SSBP2: variants seen among roughly 807,000 people sequenced by gnomAD.
SSBP2 encodes the protein single-stranded DNA-binding protein 2.
SSBP2 carries 17 observed loss-of-function variants against 61.8 expected under a neutral mutation model. That is an observed-to-expected ratio of 0.28 (90% CI 0.19 to 0.41). The LOEUF is 0.41. Ranked by LOEUF, SSBP2 falls within the 10% of genes least tolerant of loss-of-function variation. The pLI, the probability that SSBP2 is intolerant of heterozygous loss-of-function variation, is 1.00. For synonymous variants in SSBP2, 139 were observed against 141.3 expected, an observed-to-expected ratio of 0.98 and a Z score of 0.12; for missense variants, 310 against 458.7, an observed-to-expected ratio of 0.68 and a Z score of 2.96.
intron 6 of SSBP2, among the ~76,000 whole-genome samples, chr5:81,488,059 A>ATATATTATATATACATTATATATAT (rs1561459572): frequency 1.5e-5 from 1 of 65,328 alleles, no homozygotes; most frequent in Non-Finnish European, 2.8e-5. Flanking sequence ...ATATATATAT[A>ATATATTATATATACATTATATATAT]AATAAAATAT....
intron 12 of SSBP2, among the ~76,000 whole-genome samples, chr5:81,443,456 A>G (rs1256928256): frequency 6.6e-6 from 1 of 152,208 alleles, no homozygotes; most frequent in Non-Finnish European, 1.5e-5. Flanking sequence ...TAAAACCTAG[A>G]GTGAAAGGCT....
intron 1 of SSBP2, among the ~76,000 whole-genome samples, chr5:81,748,646 A>C (rs547867932): frequency 1.3e-5 from 2 of 152,338 alleles, no homozygotes; most frequent in South Asian, 4.1e-4. Context: ...ACCTATATTT[A>C]AGTTCATAAG....
intron 1 of SSBP2, among the ~76,000 whole-genome samples, chr5:81,680,834 A>C (rs1024210152): frequency 2.0e-5 from 3 of 152,226 alleles, no homozygotes; most frequent in Non-Finnish European, 4.4e-5. Flanking sequence ...GGAGACTTTA[A>C]CACTCTTCTA....
chr5:81,569,040 T>C (rs1184395412), intron 4 of SSBP2, among the ~76,000 whole-genome samples: 2 of 152,124 alleles, frequency 1.3e-5, no homozygotes, highest in African/African-American at 4.8e-5. Flanking sequence ...GAGGACTGGG[T>C]GAAGGTTCCA....
chr5:81,461,529 A>G (rs1230663412), intron 9 of SSBP2, among the ~76,000 whole-genome samples: 4 of 152,134 alleles, frequency 2.6e-5, no homozygotes. Flanking sequence ...CAATATATGT[A>G]AAATGATTGA....
chr5:81,537,201 T>G (rs181894456), intron 4 of SSBP2, among the ~76,000 whole-genome samples: 4 of 152,174 alleles, frequency 2.6e-5, no homozygotes, highest in African/African-American at 9.6e-5. Flanking sequence ...TCCAAATTTT[T>G]GGGGGGGATT....
chr5:81,633,101 C>G (rs972908893), intron 3 of SSBP2, among the ~76,000 whole-genome samples: 1 of 145,810 alleles, frequency 6.9e-6, no homozygotes, highest in Non-Finnish European at 1.5e-5. Flanking sequence ...TTTAGCTGAG[C>G]CTCTGTCTTT....
intron 4 of SSBP2, among the ~76,000 whole-genome samples, chr5:81,553,352 C>T (rs932282431): frequency 7.5e-4 from 114 of 152,130 alleles, no homozygotes; most frequent in African/African-American, 2.6e-3. Context: ...CTTTCAGAAA[C>T]AAGTTTATTT....
chr5:81,431,754 T>C (rs1275717358), intron 15 of SSBP2, among the ~76,000 whole-genome samples: 1 of 152,100 alleles, frequency 6.6e-6, no homozygotes, highest in Non-Finnish European at 1.5e-5. Flanking sequence ...CTGGCTAATT[T>C]TTAAAATGTT....
At chr5:81,722,485 C>G (rs534185450) in intron 1 of SSBP2, among the ~76,000 whole-genome samples, 1 of 149,538 alleles carries the variant, frequency 6.7e-6, no homozygotes, top group Admixed American at 6.8e-5. Flanking sequence ...ACCTACCTTT[C>G]TCACATTTAA....
rs1265221797 is a variant in SSBP2 at position 81,417,190 on chromosome 5, G to A, written c.*3314C>T. The A allele has an allele frequency of 6.6e-6, 1 of 152,162 alleles. No individual in the cohort carries two copies. The highest frequency in any genetic ancestry group is 1.5e-5 in the Non-Finnish European group (1 of 68,056). The allele number at this position is 152,162 out of a possible 1,614,324, so 9.4% of individuals were successfully genotyped here. On this transcript the variant is annotated 3_prime_UTR_variant, in exon 17 of 17. Transcript: ENST00000320672. Reference sequence around the variant, plus strand: ...GAGAAATCTTAACTTCGGATTCCTAGCTGTGAACTTCCTCTTTATCAGCAA... The same window carrying A: ...GAGAAATCTTAACTTCGGATTCCTAACTGTGAACTTCCTCTTTATCAGCAA...
chr5:81,486,702 A>G (rs1482811426), intron 6 of SSBP2, among the ~76,000 whole-genome samples: 11 of 152,200 alleles, frequency 7.2e-5, no homozygotes, highest in Admixed American at 7.2e-4. Flanking sequence ...CACAGAGAAA[A>G]TAAAATTCCC....
chr5:81,637,360 TTA>T (rs1748335129), intron 2 of SSBP2, among the ~76,000 whole-genome samples: 1 of 152,238 alleles, frequency 6.6e-6, no homozygotes, highest in South Asian at 2.1e-4. Flanking sequence ...ATTATTGATT[TTA>T]TGTAACTTCT....
intron 4 of SSBP2, among the ~76,000 whole-genome samples, chr5:81,557,057 G>A (rs922966317): frequency 6.6e-6 from 1 of 151,946 alleles, no homozygotes; most frequent in Non-Finnish European, 1.5e-5. Context: ...TTCATACTCT[G>A]GTACTCCTTA....
chr5:81,498,711 T>C (rs1255763723), intron 5 of SSBP2, among the ~76,000 whole-genome samples: 1 of 152,076 alleles, frequency 6.6e-6, no homozygotes, highest in African/African-American at 2.4e-5. Context: ...TATGTTGCTA[T>C]TCTATATTTT....
At chr5:81,523,027 A>G (rs916667874) in intron 4 of SSBP2, among the ~76,000 whole-genome samples, 1 of 152,026 alleles carries the variant, frequency 6.6e-6, no homozygotes, top group Non-Finnish European at 1.5e-5. Context: ...AAAGGGCCAA[A>G]GAGTTGGTGA....
At chr5:81,489,720 A>T (rs1766708391) in intron 5 of SSBP2, among the ~76,000 whole-genome samples, 2 of 152,244 alleles carry the variant, frequency 1.3e-5, no homozygotes, top group Non-Finnish European at 2.9e-5. Flanking sequence ...TGGTTTGGTT[A>T]TCAATTCCTT....
intron 1 of SSBP2, among the ~76,000 whole-genome samples, chr5:81,651,639 C>T (rs1749738827): frequency 6.6e-6 from 1 of 152,104 alleles, no homozygotes; most frequent in Admixed American, 6.6e-5. Flanking sequence ...CTTTTTCCTA[C>T]CCTAACACAA....
intron 1 of SSBP2, among the ~76,000 whole-genome samples, chr5:81,671,661 T>A (rs1581307008): frequency 6.6e-6 from 1 of 152,050 alleles, no homozygotes; most frequent in East Asian, 1.9e-4. Context: ...GTTCCAGCAC[T>A]TAAGAAAAAA....
Sources: allele counts gnomAD v4.1 joint callset (sites outside exome capture counted in the v4.1 genomes callset), GRCh38; gene constraint gnomAD v4.1.1; transcripts MANE v1.5; gene names NCBI Gene and HGNC (gene_info 2026-07-23, HGNC 2026-07-21).